The following PCDHA4 variants were observed in gnomAD, a reference collection of about 807,000 sequenced individuals.
PCDHA4 encodes the protein protocadherin alpha-4.
In PCDHA4, 49 loss-of-function variants were observed where a neutral mutation model predicts 61.4. That is an observed-to-expected ratio of 0.80 (90% CI 0.63 to 1.01). The LOEUF is 1.01. PCDHA4 is among the 50% of genes least tolerant of loss of function. The probability of loss-of-function intolerance (pLI) is 0.00; values close to 1 mark genes in which losing one functional copy is unlikely to be tolerated. For synonymous variants in PCDHA4, 590 were observed against 550.3 expected, an observed-to-expected ratio of 1.07 and a Z score of -1.01; for missense variants, 1,254 against 1,235.8, an observed-to-expected ratio of 1.01 and a Z score of -0.22.
rs1484271840 is a variant in PCDHA4 at position 140,900,260 on chromosome 5, A to G, written c.2386-78689A>G. Among the ~76,000 whole-genome samples the G allele has an allele frequency of 4.0e-5, 6 of 151,898 alleles. No homozygotes were observed. In the South Asian group the frequency reaches 1.0e-3, roughly 26 times the overall value. ...TTTTTTTATGGCTGAATAGTACTCC[A>G]TTGTGTATATGTACCACACTTTCTT... On this transcript the variant is annotated intron_variant, in intron 1 of 3. Coordinates refer to ENST00000530339, the MANE Select transcript of PCDHA4 (RefSeq NM_018907.4).
intron 1 of PCDHA4, chr5:140,824,010 G>A (rs1554129688): frequency 1.2e-6 from 2 of 1,614,148 alleles, no homozygotes; most frequent in Middle Eastern, 1.6e-4. Context: ...GCGCGGTGGG[G>A]AGCTGGTCGT....
intron 1 of PCDHA4, chr5:140,866,572 GTGGT>G (rs1562601054): frequency 6.6e-6 from 1 of 152,168 alleles, no homozygotes; most frequent in African/African-American, 2.4e-5. Context: ...TGTTAATACA[GTGGT>G]TGGATAATGT....
chr5:140,821,632 A>T, intron 1 of PCDHA4: 1 of 971,634 alleles, frequency 1.0e-6, no homozygotes, highest in Non-Finnish European at 1.5e-6. Context: ...TTAGACAGAA[A>T]GGAAAAGAAC....
At chr5:140,857,588 G>A (rs2044704730) in intron 1 of PCDHA4, 2 of 1,596,484 alleles carry the variant, frequency 1.3e-6, no homozygotes, top group African/African-American at 1.3e-5. Flanking sequence ...CGCGGAGAGC[G>A]GCAAGGTGTA....
intron 1 of PCDHA4, 61 bp downstream of exon 1, chr5:140,809,633 T>C (rs1554125334): frequency 2.0e-6 from 3 of 1,504,022 alleles, no homozygotes; most frequent in South Asian, 1.4e-5. Flanking sequence ...AACTTCTTCG[T>C]AAATTTATTT....
chr5:140,924,701 C>A (rs2081959929), intron 1 of PCDHA4, among the ~76,000 whole-genome samples: 1 of 152,008 alleles, frequency 6.6e-6, no homozygotes, highest in African/African-American at 2.4e-5. Flanking sequence ...TCGAGACCAG[C>A]TTGTGCAACA....
chr5:140,857,868 C>T (rs782242383), intron 1 of PCDHA4: 2 of 1,597,584 alleles, frequency 1.3e-6, no homozygotes, highest in South Asian at 1.1e-5. Flanking sequence ...GCGTGGCTGT[C>T]GTATGAATTG....
At chr5:140,952,125 AG>A (rs1234128402) in intron 1 of PCDHA4, among the ~76,000 whole-genome samples, 1 of 152,092 alleles carries the variant, frequency 6.6e-6, no homozygotes, top group Non-Finnish European at 1.5e-5. Context: ...TGGGCTCCCA[AG>A]GCCTTGGGAA....
chr5:140,883,534 A>G, intron 1 of PCDHA4: 1 of 1,614,196 alleles, frequency 6.2e-7, no homozygotes, highest in Non-Finnish European at 8.5e-7. Context: ...CAGCCTATGA[A>G]CTGGTGGTGA....
chr5:140,884,403 T>C, intron 1 of PCDHA4: 1 of 1,613,992 alleles, frequency 6.2e-7, no homozygotes, highest in African/African-American at 1.3e-5. Context: ...AGCCTGTTGG[T>C]GCTCACGTTG....
At chr5:140,851,764 C>T (rs1282695804) in intron 1 of PCDHA4, 1 of 969,228 alleles carries the variant, frequency 1.0e-6, no homozygotes, top group Non-Finnish European at 1.2e-6. Context: ...AAAACATTAC[C>T]CTTATGAATT....
At chr5:140,920,131 T>G (rs1207723509) in intron 1 of PCDHA4, among the ~76,000 whole-genome samples, 1 of 152,202 alleles carries the variant, frequency 6.6e-6, no homozygotes, top group Non-Finnish European at 1.5e-5. Context: ...TGAGTTTTAA[T>G]TCTCCTCTCC....
At chr5:141,006,423 C>T (rs1554260738) in intron 3 of PCDHA4, among the ~76,000 whole-genome samples, 1 of 152,060 alleles carries the variant, frequency 6.6e-6, no homozygotes, top group African/African-American at 2.4e-5. Context: ...CTGTGTTAGC[C>T]AGGATGGTCT....
chr5:140,916,220 A>G (rs886998484), intron 1 of PCDHA4, among the ~76,000 whole-genome samples: 11 of 152,084 alleles, frequency 7.2e-5, no homozygotes, highest in African/African-American at 2.7e-4. Context: ...AGATCCAAAT[A>G]TGCTTTCCAG....
intron 1 of PCDHA4, among the ~76,000 whole-genome samples, chr5:140,938,848 G>T (rs1554212426): frequency 6.6e-6 from 1 of 151,980 alleles, no homozygotes; most frequent in Non-Finnish European, 1.5e-5. Flanking sequence ...ACCTGCCCAT[G>T]TACCCCTGAA....
At chr5:140,856,866 A>G in intron 1 of PCDHA4, 1 of 1,595,900 alleles carries the variant, frequency 6.3e-7, no homozygotes, top group Non-Finnish European at 8.6e-7. Flanking sequence ...GAAGGAATAA[A>G]CAAGGAAATG....
chr5:140,870,678 G>A (rs1304914174), intron 1 of PCDHA4: 3 of 1,612,744 alleles, frequency 1.9e-6, no homozygotes, highest in Non-Finnish European at 2.5e-6. Context: ...TGGACCACGA[G>A]GAGCTGGAGC....
chr5:140,875,409 A>C (rs2055459044), intron 1 of PCDHA4: 1 of 1,500,680 alleles, frequency 6.7e-7, no homozygotes, highest in African/African-American at 1.4e-5. Context: ...CTGCTCATAA[A>C]ATACCTCAGG....
chr5:140,954,698 A>C (rs185399105), intron 1 of PCDHA4, among the ~76,000 whole-genome samples: 5 of 152,208 alleles, frequency 3.3e-5, no homozygotes, highest in African/African-American at 1.2e-4. Context: ...TAGACTACAA[A>C]ATTTTTCTCC....
Sources: allele counts gnomAD v4.1 joint callset (sites outside exome capture counted in the v4.1 genomes callset), GRCh38; gene constraint gnomAD v4.1.1; transcripts MANE v1.5; gene names NCBI Gene and HGNC (gene_info 2026-07-23, HGNC 2026-07-21).